IL20RB: variants seen among roughly 807,000 people sequenced by gnomAD.
The protein encoded by IL20RB is interleukin-20 receptor subunit beta.
IL20RB carries 21 observed loss-of-function variants against 33.3 expected under a neutral mutation model. The observed-to-expected ratio is 0.63, with a 90% CI of 0.45 to 0.91. The LOEUF (loss-of-function observed/expected upper bound fraction) is 0.91, where lower values mean the gene tolerates loss of function less well. IL20RB is among the 40% of genes least tolerant of loss of function. The pLI is 0.00. For synonymous variants in IL20RB, 147 were observed against 146.8 expected (o/e 1.00, Z -0.01); for missense variants, 345 against 384.8 (o/e 0.90, Z 0.86).
Position 137,011,002 on chromosome 3 carries a change from GT to G in IL20RB, c.*782del. 1 of 152,244 alleles carries G rather than the reference GT, an allele frequency of 6.6e-6. No homozygotes were observed. Among genetic ancestry groups the G allele is most frequent in the Non-Finnish European group, 1.5e-5 (1 of 68,054 alleles). The allele number at this position is 152,244 out of a possible 1,614,324, so 9.4% of individuals were successfully genotyped here. On this transcript the variant is annotated 3_prime_UTR_variant, in exon 7 of 7. Transcript: ENST00000329582. Reference sequence around the variant, plus strand: ...ATGCAGAAGTCAGTAACATGTGCATGTTTGTTGTGCTCCTTTTTTCTGTTGG... The same window carrying G: ...ATGCAGAAGTCAGTAACATGTGCATGTTGTTGTGCTCCTTTTTTCTGTTGG...
chr3:136,963,691 T>TA (rs1479308453), intron 1 of IL20RB, among the ~76,000 whole-genome samples: 10 of 93,020 alleles, frequency 1.1e-4, no homozygotes, highest in South Asian at 3.6e-4. Flanking sequence ...TTTTTTTTTT[T>TA]TATTTTTTTT....
At chr3:136,995,392 T>G (rs778365851) in intron 5 of IL20RB, 22 bp from the exon 6 acceptor site, 2 of 1,612,708 alleles carry the variant, frequency 1.2e-6, no homozygotes, top group Non-Finnish European at 1.7e-6. Context: ...TTTCTAAGCC[T>G]GTTTTTATCT....
intron 1 of IL20RB, among the ~76,000 whole-genome samples, chr3:136,975,600 G>A (rs944537540): frequency 2.0e-5 from 3 of 152,206 alleles, no homozygotes; most frequent in Non-Finnish European, 4.4e-5. Flanking sequence ...GCCTCCCAAA[G>A]TGCTGGGATT....
Position 137,010,105 on chromosome 3 carries a change from T to G in IL20RB, c.826-8T>G. The G allele has an allele frequency of 7.2e-7, 1 of 1,386,964 alleles. No individual in the cohort carries two copies. Among genetic ancestry groups the G allele is most frequent in the Non-Finnish European group, 1.0e-6 (1 of 972,592 alleles). 85.9% of individuals were successfully genotyped at this position (1,386,964 alleles called of 1,614,324 possible). Reference sequence around the variant, plus strand: ...CTCTAATGAATATTAATGAAAATTATTTTTCAGAAAATAACCAATTCACCC... The same window carrying G: ...CTCTAATGAATATTAATGAAAATTAGTTTTCAGAAAATAACCAATTCACCC... On this transcript the variant is annotated splice_polypyrimidine_tract_variant and splice_region_variant and intron_variant, in intron 6 of 6. Coordinates refer to ENST00000329582, the MANE Select transcript of IL20RB (RefSeq NM_144717.4).
intron 1 of IL20RB, among the ~76,000 whole-genome samples, chr3:136,976,327 A>C (rs989755065): frequency 6.6e-6 from 1 of 152,148 alleles, no homozygotes; most frequent in African/African-American, 2.4e-5. Flanking sequence ...GGTGGAATGC[A>C]TGGGTGAGGA....
At chr3:136,980,195 T>A (rs1407879416) in intron 1 of IL20RB, 6 of 467,074 alleles carry the variant, frequency 1.3e-5, no homozygotes, top group African/African-American at 3.9e-5. Context: ...ATGTCATTTA[T>A]CAACAAAGTC....
chr3:136,978,601 C>A (rs955994302), intron 1 of IL20RB, among the ~76,000 whole-genome samples: 1 of 152,140 alleles, frequency 6.6e-6, no homozygotes, highest in African/African-American at 2.4e-5. Context: ...AAATGTTGAA[C>A]CAGCCCTGCA....
intron 1 of IL20RB, among the ~76,000 whole-genome samples, chr3:136,961,973 T>C (rs895384864): frequency 2.0e-5 from 3 of 152,054 alleles, no homozygotes; most frequent in Non-Finnish European, 2.9e-5. Context: ...ATTTGAATAA[T>C]AAAATAACAA....
chr3:136,967,128 A>G (rs1333381421), intron 1 of IL20RB, among the ~76,000 whole-genome samples: 10 of 135,816 alleles, frequency 7.4e-5, no homozygotes, highest in African/African-American at 2.5e-4. Context: ...TATGTGGTCA[A>G]TTTTGGAATA....
At chr3:136,972,208 T>G (rs896248786) in intron 1 of IL20RB, among the ~76,000 whole-genome samples, 1 of 152,206 alleles carries the variant, frequency 6.6e-6, no homozygotes, top group Admixed American at 6.5e-5. Flanking sequence ...TATTTGAGTT[T>G]TTTGTATATT....
At chr3:136,987,707 G>A (rs914893224) in intron 3 of IL20RB, among the ~76,000 whole-genome samples, 3 of 152,198 alleles carry the variant, frequency 2.0e-5, no homozygotes, top group South Asian at 4.1e-4. Flanking sequence ...CAGGCATGGC[G>A]GGCTGCAGGT....
chr3:136,992,355 G>A (rs930939192), intron 5 of IL20RB, among the ~76,000 whole-genome samples: 1 of 152,244 alleles, frequency 6.6e-6, no homozygotes, highest in African/African-American at 2.4e-5. Flanking sequence ...GGGGCCAGGT[G>A]TTGCAAGACT....
At chr3:136,989,642 C>T (rs767017636) in intron 4 of IL20RB, 77 bp downstream of exon 4, 47 of 1,551,188 alleles carry the variant, frequency 3.0e-5, no homozygotes, top group Admixed American at 5.1e-5. Flanking sequence ...CAAGGGAAGG[C>T]TGCCCCTGCT....
At chr3:136,984,246 G>A (rs1381501483) in intron 3 of IL20RB, among the ~76,000 whole-genome samples, 1 of 152,194 alleles carries the variant, frequency 6.6e-6, no homozygotes, top group Non-Finnish European at 1.5e-5. Flanking sequence ...ACTTTAAAAT[G>A]TGGATGGAGG....
At chr3:136,973,997 T>C (rs1941555030) in intron 1 of IL20RB, among the ~76,000 whole-genome samples, 1 of 152,150 alleles carries the variant, frequency 6.6e-6, no homozygotes, top group African/African-American at 2.4e-5. Context: ...GTCGGAACTT[T>C]TTTTTTATTT....
At chr3:136,989,392 TCAAC>T (rs771513256) in intron 3 of IL20RB, 45 bp from the exon 4 acceptor site, 1 of 1,608,950 alleles carries the variant, frequency 6.2e-7, no homozygotes, top group Non-Finnish European at 8.5e-7. Context: ...TCCAGGGAAA[TCAAC>T]CCTGTCTGGG....
chr3:136,980,696 A>AATCTATCCCTG, intron 2 of IL20RB, 104 bp downstream of exon 2: 6 of 1,164,684 alleles, frequency 5.2e-6, no homozygotes, highest in Non-Finnish European at 7.6e-6. Flanking sequence ...GTCCAGGGAT[A>AATCTATCCCTG]GATTATCCCC....
intron 6 of IL20RB, among the ~76,000 whole-genome samples, chr3:137,008,195 G>A (rs1362297317): frequency 3.9e-5 from 6 of 152,046 alleles, no homozygotes; most frequent in African/African-American, 1.2e-4. Context: ...TCAATGAACC[G>A]TCCAAGTATG....
chr3:137,004,020 G>C (rs540545313), intron 6 of IL20RB, among the ~76,000 whole-genome samples: 2 of 152,168 alleles, frequency 1.3e-5, no homozygotes, highest in Admixed American at 6.5e-5. Flanking sequence ...TTGAGATAAT[G>C]GTGTGGTTTT....
Sources: allele counts gnomAD v4.1 joint callset (sites outside exome capture counted in the v4.1 genomes callset), GRCh38; gene constraint gnomAD v4.1.1; transcripts MANE v1.5; gene names NCBI Gene and HGNC (gene_info 2026-07-23, HGNC 2026-07-21).